Variants in UBE2E2 observed in about 807,000 individuals in gnomAD.
The protein encoded by UBE2E2 is ubiquitin-conjugating enzyme E2 E2.
In UBE2E2, 6 loss-of-function variants were observed where a neutral mutation model predicts 24.7. That is an observed-to-expected ratio of 0.24 (90% confidence interval 0.13 to 0.48). The LOEUF is 0.48. Among genes scored for constraint, UBE2E2 ranks in the 20% least tolerant of loss-of-function variants. UBE2E2 has a pLI of 0.99. For synonymous variants in UBE2E2, 104 were observed against 83.6 expected (o/e 1.24, Z -1.33); for missense variants, 169 against 245.0 (o/e 0.69, Z 2.07).
chr3:23,305,610 C>G (rs1699218459), intron 3 of UBE2E2, among the ~76,000 whole-genome samples: 3 of 152,196 alleles, frequency 2.0e-5, no homozygotes, highest in Non-Finnish European at 1.5e-5. Context: ...GAAAAGGTCT[C>G]TGGGATGCTC....
At chr3:23,478,753 T>C (rs1437780955) in intron 3 of UBE2E2, among the ~76,000 whole-genome samples, 1 of 152,032 alleles carries the variant, frequency 6.6e-6, no homozygotes, top group African/African-American at 2.4e-5. Context: ...TTACAAAAAA[T>C]TAAGAGGTGA....
In UBE2E2 at chr3:23,366,769, T is replaced by TA. The variant is rs879520118; in HGVS notation, c.228-132831dup. 3.2e-4 allele frequency among the ~76,000 whole-genome samples: 48 copies of TA among 151,574 alleles called. 1 individual carries two copies. The highest frequency in any genetic ancestry group is 2.4e-3 in the Admixed American group (37 of 15,210). On this transcript the variant is annotated intron_variant, in intron 3 of 5. Coordinates refer to ENST00000396703, the MANE Select transcript of UBE2E2 (RefSeq NM_152653.4). ...CACGTGTACCTCTGAACCTAAAAGT[T>TA]AAAAAAAAGAAGAAAAAAATACCCT...
chr3:23,396,166 AG>A (rs1173327604), intron 3 of UBE2E2, among the ~76,000 whole-genome samples: 1 of 151,416 alleles, frequency 6.6e-6, no homozygotes. Flanking sequence ...AATTTCTTCT[AG>A]TATATGGCAG....
chr3:23,313,950 T>G (rs1485416956), intron 3 of UBE2E2, among the ~76,000 whole-genome samples: 1 of 152,196 alleles, frequency 6.6e-6, no homozygotes, highest in Non-Finnish European at 1.5e-5. Flanking sequence ...GAGGTTACCA[T>G]GAGGCTTGTA....
intron 3 of UBE2E2, among the ~76,000 whole-genome samples, chr3:23,338,012 G>A (rs1237581758): frequency 6.6e-6 from 1 of 152,202 alleles, no homozygotes; most frequent in Non-Finnish European, 1.5e-5. Flanking sequence ...AAAGTGGGCA[G>A]TCTGAGAGCT....
intron 3 of UBE2E2, among the ~76,000 whole-genome samples, chr3:23,405,688 A>G (rs1309632103): frequency 6.6e-6 from 1 of 152,104 alleles, no homozygotes; most frequent in African/African-American, 2.4e-5. Context: ...CACAGGAGGA[A>G]GAGAAGCAGT....
intron 5 of UBE2E2, among the ~76,000 whole-genome samples, chr3:23,588,937 C>T (rs1696694317): frequency 6.6e-6 from 1 of 152,138 alleles, no homozygotes; most frequent in Admixed American, 6.5e-5. Context: ...GACCATCTCT[C>T]CCCTCTTTTG....
chr3:23,420,371 A>G (rs902619348), intron 3 of UBE2E2, among the ~76,000 whole-genome samples: 1 of 152,220 alleles, frequency 6.6e-6, no homozygotes, highest in Non-Finnish European at 1.5e-5. Flanking sequence ...GTCTAAAAGA[A>G]GTTCCCTTTA....
chr3:23,554,045 A>T (rs1313060592), intron 5 of UBE2E2, among the ~76,000 whole-genome samples: 1 of 152,126 alleles, frequency 6.6e-6, no homozygotes, highest in African/African-American at 2.4e-5. Context: ...TAAAAAAAAA[A>T]TCCTAAAACT....
intron 3 of UBE2E2, among the ~76,000 whole-genome samples, chr3:23,303,898 T>G (rs1699174288): frequency 6.6e-6 from 1 of 152,226 alleles, no homozygotes; most frequent in Admixed American, 6.5e-5. Flanking sequence ...CCTGCTCTCC[T>G]GGGCAAATTT....
chr3:23,357,672 A>G (rs1695997391), intron 3 of UBE2E2, among the ~76,000 whole-genome samples: 1 of 152,144 alleles, frequency 6.6e-6, no homozygotes, highest in Admixed American at 6.5e-5. Flanking sequence ...CAGTAAATAT[A>G]TTGAATGGAG....
chr3:23,365,591 A>G (rs1488695056), intron 3 of UBE2E2, among the ~76,000 whole-genome samples: 65 of 152,186 alleles, frequency 4.3e-4, no homozygotes, highest in Admixed American at 4.3e-3. Flanking sequence ...TGAGAATTAC[A>G]AAACACTGCC....
intron 5 of UBE2E2, among the ~76,000 whole-genome samples, chr3:23,574,677 T>A (rs1696305831): frequency 1.3e-5 from 2 of 152,184 alleles, no homozygotes; most frequent in Non-Finnish European, 1.5e-5. Flanking sequence ...TAATCATGCC[T>A]GTGATTAGGC....
chr3:23,340,614 T>C (rs1026749532), intron 3 of UBE2E2, among the ~76,000 whole-genome samples: 2 of 152,130 alleles, frequency 1.3e-5, no homozygotes, highest in African/African-American at 4.8e-5. Flanking sequence ...GCTGAGTGGG[T>C]CCATAGTGGG....
rs984625311 is a variant in UBE2E2 at position 23,590,969 on chromosome 3, A to G, written c.*1138A>G. The G allele has an allele frequency of 6.6e-6, 1 of 151,714 alleles. No individual in the cohort carries two copies. The highest frequency in any genetic ancestry group is 1.5e-5 in the Non-Finnish European group (1 of 67,908). 9.4% of individuals were successfully genotyped at this position (151,714 alleles called of 1,614,324 possible). On this transcript the variant is annotated 3_prime_UTR_variant, in exon 6 of 6. Coordinates refer to ENST00000396703, the MANE Select transcript of UBE2E2 (RefSeq NM_152653.4). The stretch of plus-strand genomic sequence containing the variant: ...ATTGCCCTCAAGCTTTGTATTGTTC[A>G]TTTTTGTTGTTGTTGTTGTTGTTGT...
chr3:23,587,213 C>A (rs1463943202), intron 5 of UBE2E2, among the ~76,000 whole-genome samples: 2 of 152,202 alleles, frequency 1.3e-5, no homozygotes, highest in African/African-American at 4.8e-5. Context: ...GTTACCAGCA[C>A]TCTAACTTGT....
chr3:23,556,262 AAGCTCCTGAGT>A (rs1015868711), intron 5 of UBE2E2, among the ~76,000 whole-genome samples: 1 of 147,634 alleles, frequency 6.8e-6, no homozygotes, highest in Non-Finnish European at 1.5e-5. Context: ...CTTCTGCCTC[AAGCTCCTGAGT>A]AGCTGGGACT....
At chr3:23,534,152 G>A in intron 5 of UBE2E2, 1 of 591,810 alleles carries the variant, frequency 1.7e-6, no homozygotes, top group Non-Finnish European at 2.0e-6. Flanking sequence ...TTTTTTTTGA[G>A]GTGATTTCGA....
chr3:23,342,366 A>T (rs1048067452), intron 3 of UBE2E2, among the ~76,000 whole-genome samples: 2 of 151,922 alleles, frequency 1.3e-5, no homozygotes, highest in African/African-American at 4.8e-5. Flanking sequence ...GTGGAGATGG[A>T]GTTTCTCCAT....
Sources: allele counts gnomAD v4.1 joint callset (sites outside exome capture counted in the v4.1 genomes callset), GRCh38; gene constraint gnomAD v4.1.1; transcripts MANE v1.5; gene names NCBI Gene and HGNC (gene_info 2026-07-23, HGNC 2026-07-21).